Variants in PATJ observed in about 807,000 individuals in gnomAD.
PATJ encodes inaD-like protein.
PATJ carries 190 observed loss-of-function variants against 224.9 expected under a neutral mutation model. That is an observed-to-expected ratio of 0.84 (90% CI 0.75 to 0.95). PATJ has a LOEUF of 0.95. Among genes scored for constraint, PATJ ranks in the 40% least tolerant of loss-of-function variants. The pLI, the probability that PATJ is intolerant of heterozygous loss-of-function variation, is 0.00. For missense variants in PATJ, 2,121 were observed against 2,270.3 expected (o/e 0.93, Z 1.34); for synonymous variants, 769 against 820.3 (o/e 0.94, Z 1.07).
intron 33 of PATJ, among the ~76,000 whole-genome samples, chr1:62,093,874 C>T (rs535094366): frequency 1.1e-4 from 17 of 152,112 alleles, no homozygotes; most frequent in African/African-American, 3.1e-4. Context: ...ACTTGGGTAA[C>T]GGAATTCCAT....
intron 3 of PATJ, among the ~76,000 whole-genome samples, chr1:61,765,066 ATTTTTTTTTTTTTTTTTTT>A (rs71582647): frequency 8.3e-5 from 2 of 24,020 alleles, no homozygotes; most frequent in East Asian, 2.0e-3. Flanking sequence ...ATTGACATTC[ATTTTTTTTTTTTTTTTTTT>A]TTTTTTTTTT....
At chr1:62,035,196 A>G (rs1373589978) in intron 29 of PATJ, among the ~76,000 whole-genome samples, 1 of 152,230 alleles carries the variant, frequency 6.6e-6, no homozygotes, top group Non-Finnish European at 1.5e-5. Context: ...ACAATAGCTA[A>G]GCCATCTCTT....
intron 17 of PATJ, among the ~76,000 whole-genome samples, chr1:61,846,732 G>T (rs1662026297): frequency 6.6e-6 from 1 of 152,144 alleles, no homozygotes; most frequent in Non-Finnish European, 1.5e-5. Context: ...GAGTAGCTGG[G>T]ATTACAGGTG....
intron 14 of PATJ, among the ~76,000 whole-genome samples, chr1:61,812,583 T>C: frequency 6.6e-6 from 1 of 151,930 alleles, no homozygotes; most frequent in East Asian, 1.9e-4. Context: ...GCACAGTGGC[T>C]CACACCTGTA....
At chr1:61,814,006 T>C (rs2148668112) in intron 14 of PATJ, among the ~76,000 whole-genome samples, 1 of 152,266 alleles carries the variant, frequency 6.6e-6, no homozygotes, top group East Asian at 1.9e-4. Context: ...GGTCTTTTTC[T>C]TTTAATATGC....
chr1:61,897,076 G>T (rs898225948), intron 22 of PATJ, among the ~76,000 whole-genome samples: 11 of 152,146 alleles, frequency 7.2e-5, no homozygotes, highest in Non-Finnish European at 1.6e-4. Context: ...AACGATGAAG[G>T]TAATGATACT....
At chr1:62,045,565 TTGAC>T (rs150331319) in intron 30 of PATJ, among the ~76,000 whole-genome samples, 26,806 of 151,934 alleles carry the variant, frequency 0.18, 2,970 homozygotes, top group Non-Finnish European at 0.26. Flanking sequence ...CAAAACATAA[TTGAC>T]TGTGGAATCC....
At chr1:61,910,259 A>G (rs1462329409) in intron 25 of PATJ, among the ~76,000 whole-genome samples, 3 of 152,154 alleles carry the variant, frequency 2.0e-5, no homozygotes, top group Non-Finnish European at 4.4e-5. Context: ...TTTCAATCCA[A>G]CCTTTGCTAG....
At chr1:61,911,654 A>G (rs950001308) in intron 25 of PATJ, among the ~76,000 whole-genome samples, 1 of 149,208 alleles carries the variant, frequency 6.7e-6, no homozygotes, top group African/African-American at 2.5e-5. Flanking sequence ...CCACTTAATA[A>G]CATAACTGCA....
intron 26 of PATJ, among the ~76,000 whole-genome samples, chr1:61,915,516 T>G (rs2149238441): frequency 6.6e-6 from 1 of 152,246 alleles, no homozygotes; most frequent in East Asian, 1.9e-4. Flanking sequence ...AGAATCAGAT[T>G]ATTAAATTCC....
intron 41 of PATJ, among the ~76,000 whole-genome samples, chr1:62,146,996 G>A: frequency 6.6e-6 from 1 of 152,024 alleles, no homozygotes; most frequent in East Asian, 1.9e-4. Context: ...TGAGATTCCT[G>A]GAGACGTCCC....
At chr1:61,857,068 C>T (rs971806198) in intron 18 of PATJ, among the ~76,000 whole-genome samples, 5 of 152,118 alleles carry the variant, frequency 3.3e-5, no homozygotes, top group Non-Finnish European at 5.9e-5. Flanking sequence ...TCAAGAACCC[C>T]TATAATGTCA....
intron 4 of PATJ, among the ~76,000 whole-genome samples, chr1:61,767,683 T>C (rs6673858): frequency 0.25 from 37,824 of 148,746 alleles, 4,950 homozygotes; most frequent in East Asian, 0.42. Flanking sequence ...CTTTTCTTTT[T>C]TTTTTTTTTT....
intron 29 of PATJ, among the ~76,000 whole-genome samples, chr1:62,027,261 A>C (rs914806657): frequency 1.3e-5 from 2 of 152,134 alleles, no homozygotes; most frequent in African/African-American, 2.4e-5. Flanking sequence ...CTTAGCATGT[A>C]TTTTCAATGT....
intron 1 of PATJ, among the ~76,000 whole-genome samples, chr1:61,753,372 TG>T (rs1271242760): frequency 1.3e-5 from 2 of 152,172 alleles, no homozygotes; most frequent in Non-Finnish European, 2.9e-5. Flanking sequence ...ATATTGCAAG[TG>T]ATCATTTTCT....
At chr1:61,820,365 G>A (rs555959209) in intron 14 of PATJ, among the ~76,000 whole-genome samples, 51 of 146,304 alleles carry the variant, frequency 3.5e-4, no homozygotes, top group African/African-American at 1.2e-3. Flanking sequence ...ATTTAGAGAC[G>A]GAGTTTCAGT....
intron 30 of PATJ, among the ~76,000 whole-genome samples, chr1:62,043,000 A>G (rs17122994): frequency 0.035 from 5,267 of 152,216 alleles, 272 homozygotes; most frequent in East Asian, 0.25. Flanking sequence ...TATCGCAGAG[A>G]ACAAAATTGT....
At chr1:62,025,952 C>A (rs1449926897) in intron 29 of PATJ, among the ~76,000 whole-genome samples, 2 of 152,190 alleles carry the variant, frequency 1.3e-5, no homozygotes, top group African/African-American at 4.8e-5. Context: ...TTTTATGAGC[C>A]ACCTTTTCCT....
At chr1:61,990,545 T>C in intron 28 of PATJ, 181 bp downstream of exon 28, 1 of 448,912 alleles carries the variant, frequency 2.2e-6, no homozygotes, top group Non-Finnish European at 3.8e-6. Flanking sequence ...TATTTGCTGC[T>C]TAAGTAAAAA....
Sources: allele counts gnomAD v4.1 joint callset (sites outside exome capture counted in the v4.1 genomes callset), GRCh38; gene constraint gnomAD v4.1.1; transcripts MANE v1.5; gene names NCBI Gene and HGNC (gene_info 2026-07-23, HGNC 2026-07-21).